The following FBXO24 variants were observed in gnomAD, a reference collection of about 807,000 sequenced individuals.
FBXO24 encodes the protein F-box only protein 24.
A neutral mutation model predicts 63.5 loss-of-function variants in FBXO24; 30 were observed. That is an observed-to-expected ratio of 0.47 (90% CI 0.35 to 0.64). The LOEUF is 0.64. Ranked by LOEUF, FBXO24 falls within the 30% of genes least tolerant of loss-of-function variation. The pLI, the probability that FBXO24 is intolerant of heterozygous loss-of-function variation, is 0.00. For missense variants in FBXO24, 624 were observed against 763.4 expected (o/e 0.82, Z 2.15); for synonymous variants, 300 against 305.0 (o/e 0.98, Z 0.17).
intron 7 of FBXO24, 70 bp from the exon 8 acceptor site, chr7:100,595,505 G>A (rs896616865): frequency 2.0e-6 from 3 of 1,476,568 alleles, no homozygotes; most frequent in Non-Finnish European, 2.7e-6. Flanking sequence ...TTAGTGGCTT[G>A]GAGACTCTGG....
intron 5 of FBXO24, among the ~76,000 whole-genome samples, chr7:100,593,977 G>A (rs1584427337): frequency 6.6e-6 from 1 of 151,948 alleles, no homozygotes; most frequent in African/African-American, 2.4e-5. Flanking sequence ...GGTAGAGATG[G>A]GGTCTTGCTA....
At position 100,595,679 on chromosome 7, in the gene FBXO24, CA is replaced by C; in HGVS notation, c.1183del (p.Met395TrpfsTer28). 2 of 1,610,500 alleles carry C rather than the reference CA, an allele frequency of 1.2e-6. No individual in the cohort carries two copies. The highest frequency in any genetic ancestry group is 1.1e-5 in the South Asian group (1 of 90,672). On this transcript the variant is annotated frameshift_variant, in exon 8 of 10. Coordinates refer to ENST00000241071, the MANE Select transcript of FBXO24 (RefSeq NM_033506.3). LOFTEE classifies it high-confidence loss of function. ...NRYGQLGTGD[K>X]MDRGEPTQVC... ...GATACGGGCAGCTAGGAACAGGGGACAAAATGGACCGAGGGGAACCCACACA... is the reference window on the plus strand; with the variant it reads ...GATACGGGCAGCTAGGAACAGGGGACAAATGGACCGAGGGGAACCCACACA...
intron 1 of FBXO24, among the ~76,000 whole-genome samples, chr7:100,587,440 C>T (rs1450246929): frequency 6.6e-6 from 1 of 151,746 alleles, no homozygotes; most frequent in Non-Finnish European, 1.5e-5. Context: ...GTAGCTGGGA[C>T]TACAGGCGCC....
intron 5 of FBXO24, among the ~76,000 whole-genome samples, chr7:100,593,653 C>T (rs967328264): frequency 2.0e-5 from 3 of 149,870 alleles, no homozygotes; most frequent in East Asian, 2.0e-4. Context: ...AAAAATTAGC[C>T]GGACGTGGTG....
At chr7:100,586,781 G>A (rs1293918919) in intron 1 of FBXO24, 117 bp downstream of exon 1, 2 of 1,152,900 alleles carry the variant, frequency 1.7e-6, no homozygotes, top group South Asian at 1.3e-5. Flanking sequence ...GGGCTAGCCG[G>A]CGTCCAGGGC....
rs1439105813 is a variant in FBXO24 at position 100,592,897 on chromosome 7, G to A, written c.673G>A (p.Glu225Lys). ...CAGCAGCCGGGCCTGTGACTGTGTT[G>A]AGGTCTATCTGCAGTCTAGTGGGCA... ...TTSSRACDCVEVYLQSSGQRV... is the reference protein window; with the variant it reads ...TTSSRACDCVKVYLQSSGQRV... The change falls in exon 5 of 10, where the codon GAG becomes AAG. Residue 225 changes from glutamate (E) to lysine (K), a missense_variant. This residue lies in a region of FBXO24 where 391 missense variants were observed against 469.1 expected (regional missense o/e 0.83). Transcript: ENST00000241071. 1.9e-6 allele frequency: 3 copies of A among 1,614,234 alleles called. No homozygotes were observed. Among genetic ancestry groups the A allele is most frequent in the South Asian group, 2.2e-5 (2 of 91,090 alleles).
chr7:100,597,246 G>T (rs1356846676), intron 8 of FBXO24, among the ~76,000 whole-genome samples: 1 of 152,234 alleles, frequency 6.6e-6, no homozygotes, highest in African/African-American at 2.4e-5. Context: ...ACATGAGAAG[G>T]AAGTTCCAAA....
chr7:100,588,049 T>C (rs914931981), intron 1 of FBXO24, among the ~76,000 whole-genome samples: 1 of 151,996 alleles, frequency 6.6e-6, no homozygotes, highest in Non-Finnish European at 1.5e-5. Flanking sequence ...TGCCAGCTAA[T>C]TGTATTTTTT....
chr7:100,600,540 C>G lies in FBXO24; in HGVS notation c.1384C>G (p.Leu462Val). ...SFVKLQVKVP[L>V]CACALCATRE... Reference sequence around the variant, plus strand: ...CTTTCTCTCCTCCTCCAAGGTCCCTCTGTGTGCCTGTGCCCTCTGTGCCAC... The same window carrying G: ...CTTTCTCTCCTCCTCCAAGGTCCCTGTGTGTGCCTGTGCCCTCTGTGCCAC... Residue 462 changes from leucine to valine, a missense_variant, in exon 10 of 10, where the codon CTG becomes GTG. This residue lies in a region of FBXO24 where 216 missense variants were observed against 245.2 expected (regional missense o/e 0.88). Coordinates refer to ENST00000241071, the MANE Select transcript of FBXO24 (RefSeq NM_033506.3). This position sits in a 1 kb window ranked among gnomAD's most constrained non-coding sequence, Gnocchi z 6.3. 7.7e-6 allele frequency: 12 copies of G among 1,555,696 alleles called. No individual in the cohort carries two copies. The highest frequency in any genetic ancestry group is 9.6e-6 in the Non-Finnish European group (11 of 1,149,636).
At chr7:100,587,839 G>T (rs1349196460) in intron 1 of FBXO24, among the ~76,000 whole-genome samples, 1 of 146,166 alleles carries the variant, frequency 6.8e-6, no homozygotes, top group Non-Finnish European at 1.5e-5. Context: ...GACCTCAAGC[G>T]ATCCTGCCTC....
rs1802239201 is a variant in FBXO24, at chr7:100,595,085, G to A, written c.953-17G>A. On this transcript the variant is annotated splice_polypyrimidine_tract_variant and intron_variant, in intron 6 of 9. Coordinates refer to ENST00000241071, the MANE Select transcript of FBXO24 (RefSeq NM_033506.3). Reference sequence around the variant, plus strand: ...GGGTGCCCAAAGCTGCTGAGCTGAGGGCTCCTGACCCCCCAGACCAGGGGG... The same window carrying A: ...GGGTGCCCAAAGCTGCTGAGCTGAGAGCTCCTGACCCCCCAGACCAGGGGG... 6.2e-7 allele frequency: 1 copy of A among 1,613,498 alleles called. No individual in the cohort carries two copies. The highest frequency in any genetic ancestry group is 8.5e-7 in the Non-Finnish European group (1 of 1,179,590).
intron 4 of FBXO24, 32 bp from the exon 5 acceptor site, chr7:100,592,751 T>A: frequency 2.5e-6 from 4 of 1,580,240 alleles, no homozygotes; most frequent in Non-Finnish European, 3.5e-6. Context: ...TTTGAAACTC[T>A]AGATCCCAGA....
rs906585575 is a variant in FBXO24, at chr7:100,601,081, A to C, written c.*182A>C. 4 of 695,396 alleles carry C rather than the reference A, an allele frequency of 5.8e-6. No homozygotes were observed. In the African/African-American group the frequency reaches 7.3e-5, roughly 13 times the overall value. 43.1% of individuals were successfully genotyped at this position (695,396 alleles called of 1,614,324 possible). A position where few individuals can be genotyped will look rare whatever the true frequency, so the allele number is the denominator to read the frequency against. On this transcript the variant is annotated 3_prime_UTR_variant, in exon 10 of 10. Transcript: ENST00000241071. ...GGCCCCCAACCTGACTATCATGGACAAGAGATTTGATGGATAGAATAAAAG... is the reference window on the plus strand; with the variant it reads ...GGCCCCCAACCTGACTATCATGGACCAGAGATTTGATGGATAGAATAAAAG...
At chr7:100,590,477 G>A (rs968817374) in intron 3 of FBXO24, 120 bp downstream of exon 3, 33 of 989,938 alleles carry the variant, frequency 3.3e-5, no homozygotes, top group African/African-American at 8.2e-5. Flanking sequence ...CCCTTTCTCC[G>A]GAAGAAACGG....
At chr7:100,598,664 G>T (rs755282194) in intron 8 of FBXO24, among the ~76,000 whole-genome samples, 1 of 152,168 alleles carries the variant, frequency 6.6e-6, no homozygotes, top group Non-Finnish European at 1.5e-5. Context: ...TTTTGGAAAA[G>T]AATTATGTGA....
chr7:100,589,120 C>T (rs746607947), intron 1 of FBXO24, among the ~76,000 whole-genome samples: 8 of 152,134 alleles, frequency 5.3e-5, no homozygotes, highest in Non-Finnish European at 7.4e-5. Context: ...CGTTAGCCAC[C>T]GGCACCAGGC....
chr7:100,589,926 A>T (rs1197644442), intron 1 of FBXO24, 51 bp from the exon 2 acceptor site: 1 of 1,577,628 alleles, frequency 6.3e-7, no homozygotes, highest in Non-Finnish European at 8.6e-7. Context: ...GAGAGAAGGG[A>T]AAAAAGGATG....
At chr7:100,599,946 C>T (rs1441837518) in intron 8 of FBXO24, 85 bp from the exon 9 acceptor site, 43 of 1,461,702 alleles carry the variant, frequency 2.9e-5, no homozygotes, top group African/African-American at 4.2e-5. Flanking sequence ...CATTCTGCCC[C>T]GAGCCTTCCA....
Position 100,591,780 on chromosome 7 carries a change from G to C in FBXO24, c.436G>C (p.Val146Leu). The C allele has an allele frequency of 6.2e-7, 1 of 1,614,238 alleles. No homozygotes were observed. Among genetic ancestry groups the C allele is most frequent in the Non-Finnish European group, 8.5e-7 (1 of 1,180,038 alleles). Residue 146 changes from valine to leucine, a missense_variant, in exon 4 of 10, where the codon GTC becomes CTC. By Grantham distance (32) the Val-to-Leu change is conservative. Transcript: ENST00000241071. ...YRRFLPTKDH[V>L]FILDYVGTLF... ...CCGCTTCTTGCCCACCAAGGATCAC[G>C]TCTTCATTCTTGACTACGTGGGGAC...
Sources: gnomAD v4.1 joint callset for allele counts (sites outside exome capture counted in the v4.1 genomes callset) on GRCh38, gnomAD v4.1.1 for gene constraint, gnomAD v4.1.1 regional missense constraint, Gnocchi (gnomAD v3.1) non-coding constraint, MANE v1.5 for transcripts, NCBI Gene and HGNC (gene_info 2026-07-23, HGNC 2026-07-21) for gene names.